Variants in PACRGL observed in about 807,000 individuals in gnomAD.
PACRGL encodes the protein parkin coregulated like.
In PACRGL, 38 loss-of-function variants were observed where a neutral mutation model predicts 34.5. The ratio of observed to expected loss-of-function variants is 1.10; its 90% CI spans 0.85 to 1.44. PACRGL has a LOEUF of 1.44. Among genes scored for constraint, PACRGL ranks in the 40% most tolerant of loss-of-function variants. PACRGL has a pLI of 0.00. For synonymous variants in PACRGL, 128 were observed against 100.1 expected (o/e 1.28, Z -1.66); for missense variants, 305 against 281.4 (o/e 1.08, Z -0.60).
chr4:20,724,317 T>C (rs773912308), intron 7 of PACRGL, among the ~76,000 whole-genome samples: 16 of 152,148 alleles, frequency 1.1e-4, no homozygotes, highest in Non-Finnish European at 2.2e-4. Flanking sequence ...TAAACCTCTG[T>C]GCTATACAGA....
At chr4:20,741,603 C>T (rs1259336388) in intron 8 of PACRGL, among the ~76,000 whole-genome samples, 3 of 152,102 alleles carry the variant, frequency 2.0e-5, no homozygotes, top group Non-Finnish European at 4.4e-5. Context: ...ACTCAAAGCC[C>T]ACAAGAGAAA....
chr4:20,706,058 A>T (rs1320758030), intron 3 of PACRGL, among the ~76,000 whole-genome samples: 2 of 151,844 alleles, frequency 1.3e-5, no homozygotes, highest in Admixed American at 1.3e-4. Flanking sequence ...ATAGTATATA[A>T]CATTAATACA....
chr4:20,732,907 T>A, downstream of PACRGL: 1 of 618,864 alleles, frequency 1.6e-6, no homozygotes, highest in Non-Finnish European at 2.8e-6. Flanking sequence ...TTGGATTCTT[T>A]GTTAGACGAC....
chr4:20,708,884 T>C (rs1252061154), intron 4 of PACRGL, among the ~76,000 whole-genome samples: 4 of 151,852 alleles, frequency 2.6e-5, no homozygotes, highest in Non-Finnish European at 5.9e-5. Flanking sequence ...CCCAGCACTT[T>C]GGGAGGCCAA....
chr4:20,724,161 T>A (rs1008272750), intron 7 of PACRGL, among the ~76,000 whole-genome samples: 2 of 152,204 alleles, frequency 1.3e-5, no homozygotes, highest in African/African-American at 4.8e-5. Flanking sequence ...AAAGAGGGAA[T>A]AAATCACCTG....
rs749777299 is a variant in PACRGL at position 20,730,134 on chromosome 4, A to G, written c.*2793A>G. The G allele has an allele frequency of 5.0e-6, 8 of 1,605,598 alleles. No individual in the cohort carries two copies. Among genetic ancestry groups the G allele is most frequent in the South Asian group, 4.5e-5 (4 of 89,454 alleles). On this transcript the variant is annotated 3_prime_UTR_variant, in exon 9 of 9. Transcript: ENST00000503585. The stretch of plus-strand genomic sequence containing the variant: ...GGAGCGCATTATGTTTTCATCCTGT[A>G]AGGGAGAAACACAGAGCGATTAAAT...
intron 1 of PACRGL, among the ~76,000 whole-genome samples, chr4:20,701,141 G>A (rs1296549976): frequency 1.3e-5 from 2 of 152,206 alleles, no homozygotes; most frequent in Non-Finnish European, 2.9e-5. Flanking sequence ...ACCTGGATTA[G>A]AAAGCAGGGC....
At chr4:20,753,972 A>G (rs964380670), downstream of PACRGL, among the ~76,000 whole-genome samples, 1 of 152,204 alleles carries the variant, frequency 6.6e-6, no homozygotes, top group South Asian at 2.1e-4. Flanking sequence ...TGTAGACAAC[A>G]TAAGTGCATT....
At chr4:20,716,203 A>T (rs748291787) in intron 7 of PACRGL, 3 of 977,992 alleles carry the variant, frequency 3.1e-6, no homozygotes, top group African/African-American at 1.6e-5. Flanking sequence ...ACTGGCTGTT[A>T]TGGTTTCTTA....
chr4:20,712,977 C>A, intron 6 of PACRGL, 55 bp downstream of exon 6: 1 of 1,414,850 alleles, frequency 7.1e-7, no homozygotes, highest in South Asian at 1.6e-5. Context: ...GAAAAGAAAG[C>A]TGTAATATAT....
At chr4:20,748,544 A>G (rs1752858045) in intron 8 of PACRGL, among the ~76,000 whole-genome samples, 1 of 141,666 alleles carries the variant, frequency 7.1e-6, no homozygotes, top group South Asian at 2.3e-4. Flanking sequence ...CCAAAAATAA[A>G]TGCACCTTCC....
intron 8 of PACRGL, among the ~76,000 whole-genome samples, chr4:20,744,671 G>T (rs1752014483): frequency 6.6e-6 from 1 of 152,094 alleles, no homozygotes; most frequent in South Asian, 2.1e-4. Flanking sequence ...TAATGTAAAT[G>T]ACGTGTTAAT....
At chr4:20,758,352 A>G in the PACRGL span, among the ~76,000 whole-genome samples, 1 of 152,192 alleles carries the variant, frequency 6.6e-6, no homozygotes. Context: ...GAGGCTGCAG[A>G]AAATCTAGGT....
At chr4:20,762,694 T>C in the PACRGL span, among the ~76,000 whole-genome samples, 1 of 152,244 alleles carries the variant, frequency 6.6e-6, no homozygotes, top group Non-Finnish European at 1.5e-5. Context: ...AAATTAGGCC[T>C]TCAAATGTCC....
chr4:20,743,468 C>T (rs1202086850), intron 8 of PACRGL, among the ~76,000 whole-genome samples: 1 of 152,138 alleles, frequency 6.6e-6, no homozygotes. Flanking sequence ...TAATACCACA[C>T]ATCTACAACC....
intron 8 of PACRGL, among the ~76,000 whole-genome samples, chr4:20,747,681 T>C (rs534438012): frequency 6.6e-6 from 1 of 152,276 alleles, no homozygotes; most frequent in South Asian, 2.1e-4. Flanking sequence ...TTCTCAGTGC[T>C]ATTTCTCACT....
upstream of PACRGL, among the ~76,000 whole-genome samples, chr4:20,696,928 A>G (rs1324924446): frequency 6.6e-6 from 1 of 152,236 alleles, no homozygotes; most frequent in Non-Finnish European, 1.5e-5. Flanking sequence ...AAGTGATAAT[A>G]TTTTGGACAT....
At chr4:20,733,360 AAC>A (rs1303520027), downstream of PACRGL, among the ~76,000 whole-genome samples, 1 of 152,182 alleles carries the variant, frequency 6.6e-6, no homozygotes, top group Non-Finnish European at 1.5e-5. Context: ...TTTTCTCTAA[AAC>A]AGTCTAATTT....
rs538398127 is a variant in PACRGL, at chr4:20,732,291, G to A, written c.*4950G>A. 3.3e-4 allele frequency among the ~76,000 whole-genome samples: 51 copies of A among 152,274 alleles called. No individual in the cohort carries two copies. Among genetic ancestry groups the A allele is most frequent in the African/African-American group, 1.1e-3 (47 of 41,564 alleles). ...CAATATAATGTGGTGAAGATGTAGA[G>A]TCACTCTGTCCTAGGTAAAATCCCA... On this transcript the variant is annotated 3_prime_UTR_variant, in exon 9 of 9. Transcript: ENST00000503585.
Sources: gnomAD v4.1 joint callset for allele counts (sites outside exome capture counted in the v4.1 genomes callset) on GRCh38, gnomAD v4.1.1 for gene constraint, MANE v1.5 for transcripts, NCBI Gene and HGNC (gene_info 2026-07-23, HGNC 2026-07-21) for gene names.